The following GPC3 variants were observed in gnomAD, a reference collection of about 807,000 sequenced individuals.
The protein encoded by GPC3 is glypican-3.
In GPC3, 3 loss-of-function variants were observed where a neutral mutation model predicts 34.4. That is an observed-to-expected ratio of 0.09 (90% CI 0.04 to 0.23). GPC3 has a LOEUF of 0.23. Among genes scored for constraint, GPC3 ranks in the 10% least tolerant of loss-of-function variants. The probability of loss-of-function intolerance (pLI) is 1.00; values close to 1 mark genes in which losing one functional copy is unlikely to be tolerated. For missense variants in GPC3, 351 were observed against 445.6 expected, an observed-to-expected ratio of 0.79 and a Z score of 1.91; for synonymous variants, 177 against 174.0, an observed-to-expected ratio of 1.02 and a Z score of -0.13.
intron 6 of GPC3, among the ~76,000 whole-genome samples, chrX:133,655,587 AC>A (rs2070654460): frequency 9.0e-6 from 1 of 111,369 alleles, no homozygotes; most frequent in Admixed American, 9.6e-5. Context: ...TCACTTGTGA[AC>A]AAGTAAGACA....
At chrX:133,853,573 T>A (rs756185109) in intron 2 of GPC3, among the ~76,000 whole-genome samples, 6 of 112,393 alleles carry the variant, frequency 5.3e-5, no homozygotes, top group Non-Finnish European at 1.9e-5. Context: ...GTAATTAACA[T>A]GATATCTTTC....
At chrX:133,752,161 C>A (rs1014267213) in intron 3 of GPC3, among the ~76,000 whole-genome samples, 2 of 111,326 alleles carry the variant, frequency 1.8e-5, no homozygotes, top group African/African-American at 6.5e-5. Context: ...AGCCACAGCA[C>A]CTGGCCACAT....
chrX:133,727,704 A>G (rs1210884920), intron 3 of GPC3, among the ~76,000 whole-genome samples: 1 of 112,101 alleles, frequency 8.9e-6, no homozygotes, highest in East Asian at 2.8e-4. Flanking sequence ...ATGAGATTGG[A>G]CTAAATAATC....
At chrX:133,788,892 T>G (rs971843562) in intron 2 of GPC3, among the ~76,000 whole-genome samples, 1 of 110,552 alleles carries the variant, frequency 9.0e-6, no homozygotes, top group Non-Finnish European at 1.9e-5. Flanking sequence ...TGCCCAAGGT[T>G]ACACAGCCTA....
Position 133,536,216 on chromosome X carries a change from T to A in GPC3, c.1651A>T (p.Thr551Ser), listed in dbSNP as rs1406350718. ...TGAACGTTCCCGAGGTTGTGAAAGG[T>A]GCTTATCTCGTTGTCCTTCGGAGTT... ...QATPKDNEIS[T>S]FHNLGNVHSP... Residue 551 changes from threonine to serine, a missense_variant, in exon 8 of 8, where the codon ACC (threonine) becomes TCC (serine). Coordinates refer to ENST00000370818, the MANE Select transcript of GPC3 (RefSeq NM_004484.4). 2 of 1,202,419 alleles carry A rather than the reference T, an allele frequency of 1.7e-6. No homozygotes were observed. The highest frequency in any genetic ancestry group is 2.3e-6 in the Non-Finnish European group (2 of 888,591).
intron 2 of GPC3, among the ~76,000 whole-genome samples, chrX:133,917,043 G>A (rs886698157): frequency 8.9e-6 from 1 of 112,021 alleles, no homozygotes; most frequent in Non-Finnish European, 1.9e-5. Flanking sequence ...CATCTCTAAA[G>A]TAGAGAATAA....
chrX:133,900,036 C>T (rs1256621342), intron 2 of GPC3, among the ~76,000 whole-genome samples: 1 of 111,749 alleles, frequency 8.9e-6, no homozygotes, highest in Non-Finnish European at 1.9e-5. Flanking sequence ...CTTCTGAGCT[C>T]AGGTGATCCA....
intron 2 of GPC3, among the ~76,000 whole-genome samples, chrX:133,824,331 G>A (rs773878741): frequency 9.0e-6 from 1 of 111,454 alleles, no homozygotes; most frequent in Admixed American, 9.5e-5. Flanking sequence ...ATATAGGTAC[G>A]TTTAAAATAC....
chrX:133,598,958 TA>T (rs2069951072), intron 6 of GPC3, among the ~76,000 whole-genome samples: 1 of 112,416 alleles, frequency 8.9e-6, no homozygotes. Flanking sequence ...CAGTGGCAGA[TA>T]AAAGTTTAAA....
At chrX:133,745,255 C>T (rs961935880) in intron 3 of GPC3, among the ~76,000 whole-genome samples, 1 of 112,233 alleles carries the variant, frequency 8.9e-6, no homozygotes. Flanking sequence ...GGACTTCTGC[C>T]TACTTGGGCA....
intron 2 of GPC3, among the ~76,000 whole-genome samples, chrX:133,936,770 C>T (rs1016776002): frequency 7.1e-5 from 8 of 112,290 alleles, no homozygotes; most frequent in African/African-American, 1.9e-4. Context: ...ACCTGATTGA[C>T]GCAGTTATGT....
At chrX:133,795,572 T>C (rs1271259818) in intron 2 of GPC3, among the ~76,000 whole-genome samples, 1 of 111,579 alleles carries the variant, frequency 9.0e-6, no homozygotes, top group Non-Finnish European at 1.9e-5. Flanking sequence ...AATTTTTCAT[T>C]CAAATCTTCA....
At chrX:133,556,694 G>GT (rs1412233467) in intron 7 of GPC3, among the ~76,000 whole-genome samples, 7 of 94,923 alleles carry the variant, frequency 7.4e-5, no homozygotes, top group Middle Eastern at 6.5e-3. Flanking sequence ...GGAGAGTAAT[G>GT]TTTTTTTTTC....
chrX:133,803,943 T>C (rs1301587309), intron 2 of GPC3, among the ~76,000 whole-genome samples: 3 of 105,980 alleles, frequency 2.8e-5, no homozygotes, highest in South Asian at 4.3e-4. Flanking sequence ...TTGGAAAATA[T>C]GAAAAAAATG....
chrX:133,714,638 T>A (rs1272802039), intron 3 of GPC3, among the ~76,000 whole-genome samples: 5 of 111,467 alleles, frequency 4.5e-5, no homozygotes, highest in Non-Finnish European at 7.5e-5. Context: ...GAATAACATA[T>A]TAATTCATCA....
intron 2 of GPC3, among the ~76,000 whole-genome samples, chrX:133,861,461 C>T (rs932053945): frequency 2.2e-4 from 24 of 111,141 alleles, no homozygotes; most frequent in African/African-American, 7.2e-4. Context: ...AATTTGGTTA[C>T]GTCTTCTGTG....
intron 7 of GPC3, among the ~76,000 whole-genome samples, chrX:133,586,509 C>T (rs1039449598): frequency 2.7e-5 from 3 of 111,677 alleles, no homozygotes; most frequent in Admixed American, 1.9e-4. Context: ...TAGCTCAGAG[C>T]GAGATAGAAT....
At chrX:133,765,764 G>A (rs1204322487) in intron 2 of GPC3, among the ~76,000 whole-genome samples, 1 of 111,715 alleles carries the variant, frequency 9.0e-6, no homozygotes, top group Admixed American at 9.5e-5. Flanking sequence ...ATTTCTGCAA[G>A]TGCTTTACAG....
chrX:133,687,092 A>ATTTT lies in GPC3; in HGVS notation c.1292+5273_1292+5276dup, dbSNP rs775110101. Among the ~76,000 whole-genome samples, 671 of 69,205 alleles carry ATTTT rather than the reference A, an allele frequency of 9.7e-3. 19 individuals are homozygous for ATTTT. The highest frequency in any genetic ancestry group is 0.049 in the African/African-American group (620 of 12,611). The allele number at this position is 69,205 out of a possible 115,157, so 60.1% of individuals were successfully genotyped here. On this transcript the variant is annotated intron_variant, in intron 5 of 7. Coordinates refer to ENST00000370818, the MANE Select transcript of GPC3 (RefSeq NM_004484.4). ...GGGCACCTGCCACCATGGCCGGCTA[A>ATTTT]TTTTTTTTTTTTTTTTTTTTTTTGT...
Sources: gnomAD v4.1 joint callset for allele counts (sites outside exome capture counted in the v4.1 genomes callset) on GRCh38, gnomAD v4.1.1 for gene constraint, MANE v1.5 for transcripts, NCBI Gene and HGNC (gene_info 2026-07-23, HGNC 2026-07-21) for gene names.